ZNRF3: variants seen among roughly 807,000 people sequenced by gnomAD.
ZNRF3 encodes zinc and ring finger 3, also known as E3 ubiquitin-protein ligase ZNRF3.
Under a neutral mutation model 72.5 loss-of-function variants are expected in ZNRF3, and 23 were observed. That is an observed-to-expected ratio of 0.32 (90% CI 0.23 to 0.45). The LOEUF (loss-of-function observed/expected upper bound fraction) is 0.45. Ranked by LOEUF, ZNRF3 falls within the 20% of genes least tolerant of loss-of-function variation. ZNRF3 has a pLI of 1.00. For missense variants in ZNRF3, 1,169 were observed against 1,272.1 expected (o/e 0.92, Z 1.23); for synonymous variants, 610 against 545.3 (o/e 1.12, Z -1.65).
At chr22:29,015,597 G>A (rs2036416400) in intron 2 of ZNRF3, among the ~76,000 whole-genome samples, 1 of 151,674 alleles carries the variant, frequency 6.6e-6, no homozygotes, top group African/African-American at 2.4e-5. Flanking sequence ...TTGAACCTGG[G>A]AGGCAGAGGT....
intron 2 of ZNRF3, among the ~76,000 whole-genome samples, chr22:28,998,128 G>T (rs772805624): frequency 6.6e-6 from 1 of 151,172 alleles, no homozygotes; most frequent in South Asian, 2.1e-4. Flanking sequence ...GTGAAATCTC[G>T]TCTCTAGTAA....
At chr22:28,908,019 GAAAATAA>G (rs2034244456) in intron 1 of ZNRF3, among the ~76,000 whole-genome samples, 1 of 152,194 alleles carries the variant, frequency 6.6e-6, no homozygotes, top group South Asian at 2.1e-4. Context: ...TTTGGATCAT[GAAAATAA>G]TGTTAATTTT....
intron 1 of ZNRF3, among the ~76,000 whole-genome samples, chr22:28,944,547 G>T (rs1475225591): frequency 2.0e-5 from 3 of 152,154 alleles, no homozygotes; most frequent in Non-Finnish European, 2.9e-5. Flanking sequence ...TTGAGCTCAG[G>T]AGTTCGAGAC....
intron 1 of ZNRF3, among the ~76,000 whole-genome samples, chr22:28,884,727 C>G (rs571202766): frequency 5.3e-5 from 8 of 152,184 alleles, no homozygotes; most frequent in Non-Finnish European, 8.8e-5. Flanking sequence ...ACCGCCTGCC[C>G]GTCCCTCGGC....
At chr22:28,957,340 A>G (rs904641947) in intron 1 of ZNRF3, among the ~76,000 whole-genome samples, 7 of 152,190 alleles carry the variant, frequency 4.6e-5, no homozygotes, top group African/African-American at 1.7e-4. Context: ...AGCACCTGTC[A>G]CAATGCATGT....
At chr22:28,977,713 C>T (rs936134901) in intron 1 of ZNRF3, among the ~76,000 whole-genome samples, 1 of 152,224 alleles carries the variant, frequency 6.6e-6, no homozygotes, top group Non-Finnish European at 1.5e-5. Flanking sequence ...TTCTGTGTAA[C>T]AGTAACCCAC....
At chr22:29,051,853 C>T (rs1408544883) in intron 8 of ZNRF3, among the ~76,000 whole-genome samples, 5 of 148,576 alleles carry the variant, frequency 3.4e-5, no homozygotes, top group East Asian at 2.0e-4. Flanking sequence ...TGCAGTGAGC[C>T]GCGCTCCAGC....
At chr22:29,032,321 G>A (rs2036777653) in intron 2 of ZNRF3, among the ~76,000 whole-genome samples, 1 of 152,192 alleles carries the variant, frequency 6.6e-6, no homozygotes, top group Non-Finnish European at 1.5e-5. Flanking sequence ...AACAAACACT[G>A]CAAGTGGTTG....
At chr22:28,923,748 A>G (rs1362922851) in intron 1 of ZNRF3, among the ~76,000 whole-genome samples, 2 of 152,256 alleles carry the variant, frequency 1.3e-5, no homozygotes, top group Non-Finnish European at 2.9e-5. Flanking sequence ...TTTAAAAAAC[A>G]TGATCTCAAG....
chr22:29,050,979 C>T (rs1195098575), intron 8 of ZNRF3, 31 bp downstream of exon 8: 2 of 1,496,972 alleles, frequency 1.3e-6, no homozygotes, highest in South Asian at 2.7e-5. Flanking sequence ...TAGGTCAGAG[C>T]AGGAGTTTCC....
At chr22:28,919,842 G>A (rs934684503) in intron 1 of ZNRF3, among the ~76,000 whole-genome samples, 2 of 152,018 alleles carry the variant, frequency 1.3e-5, no homozygotes, top group East Asian at 3.9e-4. Context: ...TACAATAAGC[G>A]ATGAGGGGGT....
At chr22:28,958,147 C>T (rs2035293684) in intron 1 of ZNRF3, among the ~76,000 whole-genome samples, 2 of 152,236 alleles carry the variant, frequency 1.3e-5, no homozygotes, top group Admixed American at 1.3e-4. Context: ...GAGATTGCGC[C>T]ACTGCATGCC....
At chr22:29,005,209 C>T (rs1232524534) in intron 2 of ZNRF3, among the ~76,000 whole-genome samples, 1 of 152,250 alleles carries the variant, frequency 6.6e-6, no homozygotes, top group Non-Finnish European at 1.5e-5. Context: ...TAAGCGGCTC[C>T]TCCAAGCCAG....
chr22:28,999,412 G>A (rs2036105388), intron 2 of ZNRF3, among the ~76,000 whole-genome samples: 1 of 152,118 alleles, frequency 6.6e-6, no homozygotes, highest in African/African-American at 2.4e-5. Context: ...ATCACTTGAG[G>A]CTGCAATGAG....
intron 1 of ZNRF3, among the ~76,000 whole-genome samples, chr22:28,984,140 C>A (rs2035813942): frequency 6.6e-6 from 1 of 151,110 alleles, no homozygotes; most frequent in Non-Finnish European, 1.5e-5. Flanking sequence ...TTAAAAAAAA[C>A]CTTTTAATTG....
intron 2 of ZNRF3, among the ~76,000 whole-genome samples, chr22:29,033,658 G>A (rs748296579): frequency 6.6e-6 from 1 of 152,194 alleles, no homozygotes; most frequent in Non-Finnish European, 1.5e-5. Flanking sequence ...ATGAAAAAAC[G>A]ATGGATGGAT....
chr22:28,899,178 T>G (rs1266887298), intron 1 of ZNRF3, among the ~76,000 whole-genome samples: 1 of 152,140 alleles, frequency 6.6e-6, no homozygotes, highest in Non-Finnish European at 1.5e-5. Flanking sequence ...TAGGCTTAAA[T>G]CTCTAGGACA....
chr22:28,975,889 T>C (rs2035664157), intron 1 of ZNRF3, among the ~76,000 whole-genome samples: 1 of 152,172 alleles, frequency 6.6e-6, no homozygotes, highest in African/African-American at 2.4e-5. Context: ...GGCCAGAATG[T>C]GTTTGCCCAA....
chr22:28,912,630 T>A (rs558410092), intron 1 of ZNRF3, among the ~76,000 whole-genome samples: 36 of 151,562 alleles, frequency 2.4e-4, no homozygotes, highest in Non-Finnish European at 2.2e-4. Context: ...AGACCGTCCA[T>A]CTAGGCTCAG....
Sources: allele counts gnomAD v4.1 joint callset (sites outside exome capture counted in the v4.1 genomes callset), GRCh38; gene constraint gnomAD v4.1.1; transcripts MANE v1.5; gene names NCBI Gene and HGNC (gene_info 2026-07-23, HGNC 2026-07-21).